The following ADGRG6 variants were observed in gnomAD, a reference collection of about 807,000 sequenced individuals.
The protein encoded by ADGRG6 is adhesion G protein-coupled receptor G6, also known as G-protein coupled receptor 126.
Under a neutral mutation model 142.4 loss-of-function variants are expected in ADGRG6, and 84 were observed. The ratio of observed to expected loss-of-function variants is 0.59; its 90% CI spans 0.49 to 0.71. ADGRG6 has a LOEUF of 0.71. ADGRG6 is among the 30% of genes least tolerant of loss of function. The pLI, the probability that ADGRG6 is intolerant of heterozygous loss-of-function variation, is 0.00. For synonymous variants in ADGRG6, 521 were observed against 520.5 expected (o/e 1.00, Z -0.01); for missense variants, 1,367 against 1,466.6 (o/e 0.93, Z 1.11).
At chr6:142,302,828 T>C (rs9496330) in intron 1 of ADGRG6, 3,177 of 156,610 alleles carry the variant, frequency 0.02, 111 homozygotes, top group African/African-American at 0.069. Context: ...GTTTGAATTT[T>C]TTTAAGGTGT....
intron 2 of ADGRG6, among the ~76,000 whole-genome samples, chr6:142,312,284 TTATAA>T (rs930177222): frequency 2.0e-5 from 3 of 152,092 alleles, no homozygotes; most frequent in African/African-American, 4.8e-5. Context: ...AGTTTAATTC[TTATAA>T]TAGAATTGCA....
Position 142,417,260 on chromosome 6 carries a change from G to A in ADGRG6, c.2939-13G>A. The A allele has an allele frequency of 1.4e-6, 2 of 1,450,626 alleles. No individual in the cohort carries two copies. The highest frequency in any genetic ancestry group is 1.9e-6 in the Non-Finnish European group (2 of 1,034,216). 89.9% of individuals were successfully genotyped at this position (1,450,626 alleles called of 1,614,324 possible). On this transcript the variant is annotated splice_polypyrimidine_tract_variant and intron_variant, in intron 20 of 24. Transcript: ENST00000367609. ...GCTTCAAAAGAGTTTGTGTCATGGTGTTTTTGTAACAGGTTTGCCTGCCTT... is the reference window on the plus strand; with the variant it reads ...GCTTCAAAAGAGTTTGTGTCATGGTATTTTTGTAACAGGTTTGCCTGCCTT...
At chr6:142,443,256 A>T in intron 24 of ADGRG6, 81 bp from the exon 25 acceptor site, 1 of 791,170 alleles carries the variant, frequency 1.3e-6, no homozygotes, top group Non-Finnish European at 2.0e-6. Flanking sequence ...TTTAATGTGC[A>T]AAACGGAGTA....
At chr6:142,311,082 A>G (rs1489738560) in intron 2 of ADGRG6, among the ~76,000 whole-genome samples, 3 of 151,884 alleles carry the variant, frequency 2.0e-5, no homozygotes, top group African/African-American at 7.2e-5. Context: ...TAATCATTTG[A>G]ATAAATGAAG....
intron 2 of ADGRG6, among the ~76,000 whole-genome samples, chr6:142,318,259 T>TTATA (rs1397216629): frequency 3.2e-4 from 19 of 59,190 alleles, no homozygotes; most frequent in African/African-American, 1.1e-3. Flanking sequence ...TTATATATAT[T>TTATA]TATTATATAT....
In ADGRG6 at chr6:142,414,950, C is replaced by A; in HGVS notation, c.2542-19C>A. ...ATGAGAAGAGAGTTTCTTACAGCTGCTCGCCATGTTTTATGTAGGACCTTC... is the reference window on the plus strand; with the variant it reads ...ATGAGAAGAGAGTTTCTTACAGCTGATCGCCATGTTTTATGTAGGACCTTC... On this transcript the variant is annotated intron_variant, in intron 18 of 24. Coordinates refer to ENST00000367609, the MANE Select transcript of ADGRG6 (RefSeq NM_198569.3). The A allele has an allele frequency of 1.3e-6, 2 of 1,597,204 alleles. No homozygotes were observed. The highest frequency in any genetic ancestry group is 1.3e-5 in the African/African-American group (1 of 74,168).
intron 10 of ADGRG6, among the ~76,000 whole-genome samples, chr6:142,398,219 A>T (rs1008612856): frequency 4.6e-5 from 7 of 152,174 alleles, no homozygotes; most frequent in Non-Finnish European, 4.4e-5. Flanking sequence ...TGAGCCCAGG[A>T]ATTCGAGACT....
At position 142,382,036 on chromosome 6, in the gene ADGRG6, G is replaced by A. The variant is rs776951318; in HGVS notation, c.1138+17G>A. The A allele has an allele frequency of 1.1e-5, 16 of 1,511,382 alleles. No individual in the cohort carries two copies. Among genetic ancestry groups the A allele is most frequent in the East Asian group, 6.9e-5 (3 of 43,360 alleles). 93.6% of individuals were successfully genotyped at this position (1,511,382 alleles called of 1,614,324 possible). On this transcript the variant is annotated intron_variant, in intron 5 of 24. Coordinates refer to ENST00000367609, the MANE Select transcript of ADGRG6 (RefSeq NM_198569.3). ...TCTGTCAAGGTAGGGAGCCCACACC[G>A]TGCTCTGGAATCTCTTTGCTTTCTA...
At chr6:142,328,879 G>A (rs1163836859) in intron 2 of ADGRG6, among the ~76,000 whole-genome samples, 1 of 152,112 alleles carries the variant, frequency 6.6e-6, no homozygotes, top group Non-Finnish European at 1.5e-5. Flanking sequence ...GTAAATTGTA[G>A]TTTAATTTTT....
At chr6:142,398,436 C>T (rs77559143) in intron 10 of ADGRG6, among the ~76,000 whole-genome samples, 6,162 of 152,172 alleles carry the variant, frequency 0.04, 265 homozygotes, top group Middle Eastern at 0.11. Flanking sequence ...AAAAAACAAA[C>T]AGAAAACGTC....
At chr6:142,344,072 CAG>C (rs1279192926) in intron 2 of ADGRG6, among the ~76,000 whole-genome samples, 1 of 151,812 alleles carries the variant, frequency 6.6e-6, no homozygotes, top group Non-Finnish European at 1.5e-5. Flanking sequence ...AAAGAGTGCT[CAG>C]AGAGAAGTCA....
At chr6:142,428,387 G>A (rs1034906542) in intron 22 of ADGRG6, among the ~76,000 whole-genome samples, 1 of 151,968 alleles carries the variant, frequency 6.6e-6, no homozygotes, top group Non-Finnish European at 1.5e-5. Flanking sequence ...ACTTAAATAA[G>A]CAAATGACAT....
chr6:142,406,626 C>T (rs1257600429), intron 15 of ADGRG6, among the ~76,000 whole-genome samples: 2 of 152,118 alleles, frequency 1.3e-5, no homozygotes, highest in Admixed American at 6.5e-5. Context: ...AAAAATAATA[C>T]CATGGAATCC....
intron 2 of ADGRG6, among the ~76,000 whole-genome samples, chr6:142,329,073 T>G (rs1778916544): frequency 6.6e-6 from 1 of 152,146 alleles, no homozygotes; most frequent in African/African-American, 2.4e-5. Flanking sequence ...CCTGGAAAAG[T>G]TACTTCTCTG....
In ADGRG6 at chr6:142,400,585, T is replaced by C. The variant is rs370592040; in HGVS notation, c.1668T>C (p.Ala556=). The change falls in exon 11 of 25, where the codon GCT becomes GCC. Residue 556 remains alanine, a synonymous_variant. Coordinates refer to ENST00000367609, the MANE Select transcript of ADGRG6 (RefSeq NM_198569.3). ...LPCPDKPGFS[A]SRICFYNATN... ...GTCCAGACAAGCCTGGCTTTTCTGCTTCTCGGATATGGTAATATTTTCACT... is the reference window on the plus strand; with the variant it reads ...GTCCAGACAAGCCTGGCTTTTCTGCCTCTCGGATATGGTAATATTTTCACT... 1 of 1,547,928 alleles carries C rather than the reference T, an allele frequency of 6.5e-7. No homozygotes were observed. Among genetic ancestry groups the C allele is most frequent in the African/African-American group, 1.4e-5 (1 of 73,770 alleles).
At chr6:142,401,491 G>A (rs182625026) in intron 11 of ADGRG6, among the ~76,000 whole-genome samples, 19 of 152,244 alleles carry the variant, frequency 1.2e-4, no homozygotes, top group Admixed American at 1.1e-3. Context: ...GCATGCTACT[G>A]ATTTTTTTCC....
chr6:142,408,144 TAAAAG>T lies in ADGRG6; in HGVS notation c.2269-5_2269-1del, dbSNP rs1465284473. ...CTGATACACGCGATTTTTTTTTCTTTAAAAGGATGTAGGACCCCAAAGAAAAACTT... is the reference window on the plus strand; with the variant it reads ...CTGATACACGCGATTTTTTTTTCTTTGATGTAGGACCCCAAAGAAAAACTT... On this transcript the variant is annotated splice_acceptor_variant and splice_polypyrimidine_tract_variant and intron_variant, in intron 15 of 24. Transcript: ENST00000367609. LOFTEE classifies it high-confidence loss of function. 1 of 1,553,764 alleles carries T rather than the reference TAAAAG, an allele frequency of 6.4e-7. No homozygotes were observed.
intron 2 of ADGRG6, among the ~76,000 whole-genome samples, chr6:142,326,097 A>G (rs150860745): frequency 1.1e-3 from 174 of 152,224 alleles, no homozygotes; most frequent in African/African-American, 3.9e-3. Context: ...CAAAATATGC[A>G]TGCCTGTAAA....
intron 21 of ADGRG6, among the ~76,000 whole-genome samples, chr6:142,419,537 G>C (rs911323977): frequency 2.0e-5 from 3 of 152,154 alleles, no homozygotes; most frequent in African/African-American, 7.2e-5. Context: ...CTTGGAACAA[G>C]TCAGCCAAGA....
Sources: gnomAD v4.1 joint callset for allele counts (sites outside exome capture counted in the v4.1 genomes callset) on GRCh38, gnomAD v4.1.1 for gene constraint, MANE v1.5 for transcripts, NCBI Gene and HGNC (gene_info 2026-07-23, HGNC 2026-07-21) for gene names.